ARHGAP26: variants seen among roughly 807,000 people sequenced by gnomAD.
ARHGAP26 encodes rho GTPase-activating protein 26.
ARHGAP26 carries 38 observed loss-of-function variants against 104.8 expected under a neutral mutation model. The ratio of observed to expected loss-of-function variants is 0.36; its 90% CI spans 0.28 to 0.48. The LOEUF is 0.48. Among genes scored for constraint, ARHGAP26 ranks in the 20% least tolerant of loss-of-function variants. The probability of loss-of-function intolerance (pLI) is 0.99; values close to 1 mark genes in which losing one functional copy is unlikely to be tolerated. For synonymous variants in ARHGAP26, 341 were observed against 340.0 expected (o/e 1.00, Z -0.03); for missense variants, 704 against 947.9 (o/e 0.74, Z 3.38).
At chr5:143,075,222 A>G (rs943216059) in intron 17 of ARHGAP26, among the ~76,000 whole-genome samples, 2 of 152,140 alleles carry the variant, frequency 1.3e-5, no homozygotes, top group African/African-American at 4.8e-5. Context: ...CATTAAAAAT[A>G]TTCCTCTATT....
At chr5:142,806,718 C>G (rs1451036988) in intron 1 of ARHGAP26, among the ~76,000 whole-genome samples, 2 of 152,152 alleles carry the variant, frequency 1.3e-5, no homozygotes, top group Non-Finnish European at 2.9e-5. Context: ...TTATGTACCC[C>G]CCCACTACTT....
At chr5:142,864,976 C>T (rs1561976483) in intron 1 of ARHGAP26, among the ~76,000 whole-genome samples, 1 of 152,192 alleles carries the variant, frequency 6.6e-6, no homozygotes, top group South Asian at 2.1e-4. Context: ...CTGGAATTAC[C>T]CTCTCTTTTT....
At chr5:143,135,310 AG>A (rs1797787403) in intron 19 of ARHGAP26, among the ~76,000 whole-genome samples, 1 of 152,198 alleles carries the variant, frequency 6.6e-6, no homozygotes, top group Non-Finnish European at 1.5e-5. Context: ...CTGAGGATTA[AG>A]GCCCTTCAAA....
chr5:142,980,431 C>G (rs778176482), intron 11 of ARHGAP26, among the ~76,000 whole-genome samples: 1 of 143,296 alleles, frequency 7.0e-6, no homozygotes, highest in Non-Finnish European at 1.5e-5. Context: ...CTTAGTTGCC[C>G]AGGCTGGAGT....
At chr5:142,949,367 C>T (rs140109913) in intron 11 of ARHGAP26, among the ~76,000 whole-genome samples, 2,816 of 152,138 alleles carry the variant, frequency 0.019, 43 homozygotes, top group South Asian at 0.066. Context: ...AGCCATATCA[C>T]TCACCAGTTC....
intron 11 of ARHGAP26, among the ~76,000 whole-genome samples, chr5:142,991,386 G>T (rs534103158): frequency 6.6e-6 from 1 of 152,150 alleles, no homozygotes; most frequent in African/African-American, 2.4e-5. Context: ...CCAGGAAAGG[G>T]AATTCCCTGT....
At chr5:142,784,039 C>T (rs1366218230) in intron 1 of ARHGAP26, among the ~76,000 whole-genome samples, 1 of 152,208 alleles carries the variant, frequency 6.6e-6, no homozygotes, top group Non-Finnish European at 1.5e-5. Context: ...CCAGATGCTC[C>T]TGCTGCATCT....
intron 10 of ARHGAP26, among the ~76,000 whole-genome samples, chr5:142,916,020 G>T (rs1045056011): frequency 6.6e-6 from 1 of 152,192 alleles, no homozygotes; most frequent in Admixed American, 6.5e-5. Flanking sequence ...CCACCTGCTG[G>T]ACCAGAGAGG....
intron 11 of ARHGAP26, among the ~76,000 whole-genome samples, chr5:142,965,191 C>T (rs1157154022): frequency 1.3e-5 from 2 of 152,184 alleles, no homozygotes; most frequent in Admixed American, 1.3e-4. Flanking sequence ...CAGGATGGAA[C>T]ATGAAGGCGG....
At chr5:143,111,453 A>C (rs1406250521) in intron 17 of ARHGAP26, among the ~76,000 whole-genome samples, 2 of 152,158 alleles carry the variant, frequency 1.3e-5, no homozygotes, top group African/African-American at 4.8e-5. Flanking sequence ...CAGCCTCTCC[A>C]TTTGGGATAT....
intron 11 of ARHGAP26, among the ~76,000 whole-genome samples, chr5:142,950,787 T>C (rs1283209732): frequency 1.3e-5 from 2 of 152,192 alleles, no homozygotes; most frequent in Non-Finnish European, 2.9e-5. Flanking sequence ...ATATGAGTTA[T>C]AGAAATAAAG....
intron 20 of ARHGAP26, among the ~76,000 whole-genome samples, chr5:143,162,469 A>G (rs1362676614): frequency 2.0e-5 from 3 of 152,244 alleles, no homozygotes; most frequent in Non-Finnish European, 4.4e-5. Flanking sequence ...GAGTCATGGG[A>G]ATCCTGGACA....
At chr5:142,802,976 C>T (rs976208010) in intron 1 of ARHGAP26, among the ~76,000 whole-genome samples, 12 of 152,190 alleles carry the variant, frequency 7.9e-5, no homozygotes, top group African/African-American at 2.9e-4. Context: ...TGTTTTGGGG[C>T]CATGCAGGGC....
chr5:142,942,334 A>G (rs1269033874), intron 11 of ARHGAP26, among the ~76,000 whole-genome samples: 1 of 152,244 alleles, frequency 6.6e-6, no homozygotes, highest in Non-Finnish European at 1.5e-5. Flanking sequence ...AATAAAATAC[A>G]TGGTTACAAA....
intron 17 of ARHGAP26, among the ~76,000 whole-genome samples, chr5:143,112,285 G>T (rs894607139): frequency 3.9e-5 from 6 of 152,114 alleles, no homozygotes; most frequent in African/African-American, 7.2e-5. Flanking sequence ...AGGGAGAGGG[G>T]CTACAGAGTG....
chr5:142,966,067 G>T (rs181117646), intron 11 of ARHGAP26, among the ~76,000 whole-genome samples: 21 of 152,294 alleles, frequency 1.4e-4, no homozygotes, highest in African/African-American at 4.6e-4. Flanking sequence ...CATGCAGAAT[G>T]GGAATGATTC....
At chr5:142,957,260 A>C (rs1769413722) in intron 11 of ARHGAP26, among the ~76,000 whole-genome samples, 1 of 152,256 alleles carries the variant, frequency 6.6e-6, no homozygotes, top group South Asian at 2.1e-4. Context: ...CTTAAAGGCT[A>C]TCTTACAGCA....
chr5:143,003,606 G>A (rs925138146), intron 11 of ARHGAP26, among the ~76,000 whole-genome samples: 1 of 152,170 alleles, frequency 6.6e-6, no homozygotes, highest in Non-Finnish European at 1.5e-5. Context: ...ATTAAATTCT[G>A]TAGAATATAG....
chr5:142,790,523 C>G (rs1759580011), intron 1 of ARHGAP26, among the ~76,000 whole-genome samples: 1 of 152,114 alleles, frequency 6.6e-6, no homozygotes. Context: ...AAACCTTATT[C>G]CACTCTTTCT....
Sources: allele counts gnomAD v4.1 joint callset (sites outside exome capture counted in the v4.1 genomes callset), GRCh38; gene constraint gnomAD v4.1.1; transcripts MANE v1.5; gene names NCBI Gene and HGNC (gene_info 2026-07-23, HGNC 2026-07-21).